The following SORCS2 variants were observed in gnomAD, a reference collection of about 807,000 sequenced individuals.
The protein encoded by SORCS2 is sortilin related VPS10 domain containing receptor 2.
In SORCS2, 100 loss-of-function variants were observed where a neutral mutation model predicts 141.6. That is an observed-to-expected ratio of 0.71 (90% CI 0.60 to 0.83). The LOEUF (loss-of-function observed/expected upper bound fraction) is 0.83, where lower values mean the gene tolerates loss of function less well. Among genes scored for constraint, SORCS2 ranks in the 40% least tolerant of loss-of-function variants. The pLI, the probability that SORCS2 is intolerant of heterozygous loss-of-function variation, is 0.00. For missense variants in SORCS2, 1,646 were observed against 1,560.2 expected, an observed-to-expected ratio of 1.05 and a Z score of -0.93; for synonymous variants, 789 against 676.9, an observed-to-expected ratio of 1.17 and a Z score of -2.57.
intron 1 of SORCS2, among the ~76,000 whole-genome samples, chr4:7,320,881 C>T (rs13109560): frequency 6.3e-4 from 96 of 152,070 alleles, no homozygotes; most frequent in African/African-American, 2.1e-3. Context: ...CCCTTCCTCC[C>T]TTCCCCTCCC....
chr4:7,285,737 C>T (rs903727412), intron 1 of SORCS2, among the ~76,000 whole-genome samples: 4 of 152,212 alleles, frequency 2.6e-5, no homozygotes, highest in Admixed American at 6.5e-5. Flanking sequence ...CAGAAGCTTC[C>T]GGAGCATGCT....
At chr4:7,378,164 T>A (rs926172402) in intron 1 of SORCS2, among the ~76,000 whole-genome samples, 1 of 152,230 alleles carries the variant, frequency 6.6e-6, no homozygotes, top group Non-Finnish European at 1.5e-5. Flanking sequence ...TGACTCTTCA[T>A]GGCCATGAAA....
At chr4:7,417,490 T>C (rs6837396) in intron 2 of SORCS2, among the ~76,000 whole-genome samples, 64,359 of 152,002 alleles carry the variant, frequency 0.42, 13,864 homozygotes, top group Middle Eastern at 0.57. Flanking sequence ...GGGAGAAGCA[T>C]GGGCACCCTA....
chr4:7,494,669 G>A lies in SORCS2; in HGVS notation c.549-36861G>A, dbSNP rs187397173. On this transcript the variant is annotated intron_variant, in intron 2 of 26. Transcript: ENST00000507866. ...AAATTGGGGGTTAGGGCCTCAGCAT[G>A]TGCATTCTGGGAGGCTACAAACATT... Among the ~76,000 whole-genome samples, 17 of 152,350 alleles carry A rather than the reference G, an allele frequency of 1.1e-4. No individual in the cohort carries two copies. The East Asian group carries it at 2.3e-3, about 21-fold the overall frequency.
chr4:7,639,772 C>T (rs1294736774), intron 4 of SORCS2, among the ~76,000 whole-genome samples: 3 of 138,744 alleles, frequency 2.2e-5, no homozygotes, highest in South Asian at 2.4e-4. Context: ...TGGGTGTGAA[C>T]GTGTGTGTGT....
At chr4:7,476,525 A>G (rs2109358134) in intron 2 of SORCS2, among the ~76,000 whole-genome samples, 1 of 152,258 alleles carries the variant, frequency 6.6e-6, no homozygotes, top group African/African-American at 2.4e-5. Context: ...TGATTGGATC[A>G]CTGGGAACCA....
At position 7,740,395 on chromosome 4, in the gene SORCS2, G is replaced by A. The variant is rs1483279743; in HGVS notation, c.*131G>A. ...GAGTCGTCGCCACACCAGGCGACAG[G>A]CACCACCCCCTCTGATAAATCCAAG... is the stretch of plus-strand genomic sequence containing the variant. On this transcript the variant is annotated 3_prime_UTR_variant, in exon 27 of 27. Transcript: ENST00000507866. 2.5e-6 allele frequency: 2 copies of A among 787,444 alleles called. No homozygotes were observed. The highest frequency in any genetic ancestry group is 4.3e-5 in the Admixed American group (2 of 46,444). 48.8% of individuals were successfully genotyped at this position (787,444 alleles called of 1,614,324 possible).
chr4:7,478,920 G>A (rs547719721), intron 2 of SORCS2, among the ~76,000 whole-genome samples: 19 of 152,318 alleles, frequency 1.2e-4, no homozygotes, highest in African/African-American at 3.6e-4. Context: ...CAAAGCCTCC[G>A]TGGCCTGGTT....
intron 1 of SORCS2, among the ~76,000 whole-genome samples, chr4:7,231,526 C>T (rs371206130): frequency 2.1e-4 from 32 of 152,230 alleles, no homozygotes; most frequent in South Asian, 8.3e-4. Flanking sequence ...TCCATCCATC[C>T]ATCCATCCAT....
At chr4:7,469,865 A>C (rs1332127914) in intron 2 of SORCS2, among the ~76,000 whole-genome samples, 1 of 152,218 alleles carries the variant, frequency 6.6e-6, no homozygotes, top group East Asian at 1.9e-4. Flanking sequence ...CAGGCTTCTG[A>C]GATCAGTGGC....
At chr4:7,316,679 A>T (rs1243957681) in intron 1 of SORCS2, among the ~76,000 whole-genome samples, 1 of 152,246 alleles carries the variant, frequency 6.6e-6, no homozygotes, top group Non-Finnish European at 1.5e-5. Context: ...AGGGTGAATT[A>T]TGGAAGAGTG....
intron 2 of SORCS2, among the ~76,000 whole-genome samples, chr4:7,463,033 T>C (rs1229270958): frequency 6.6e-6 from 1 of 151,900 alleles, no homozygotes; most frequent in East Asian, 1.9e-4. Flanking sequence ...GCTCCCAGTG[T>C]GACAACAGCC....
rs56090778 is a variant in SORCS2, at chr4:7,373,006, G to GTTTT, written c.481-23269_481-23266dup. Among the ~76,000 whole-genome samples, 1,222 of 138,150 alleles carry GTTTT rather than the reference G, an allele frequency of 8.8e-3. 15 individuals carry two copies. The highest frequency in any genetic ancestry group is 0.016 in the Middle Eastern group (4 of 258). The allele number at this position is 138,150 out of a possible 152,430, so 90.6% of individuals were successfully genotyped here. ...GCTGCAGGACATCTTGGTGGTTTCT[G>GTTTT]TTTTTTTTTTTTTTTTCCCCTATCA... On this transcript the variant is annotated intron_variant, in intron 1 of 26. Coordinates refer to ENST00000507866, the MANE Select transcript of SORCS2 (RefSeq NM_020777.3).
intron 1 of SORCS2, among the ~76,000 whole-genome samples, chr4:7,224,291 C>T (rs942575440): frequency 2.6e-5 from 4 of 152,234 alleles, no homozygotes; most frequent in Admixed American, 2.0e-4. Context: ...CTAGCTTAAT[C>T]CTCCTCAAGT....
At chr4:7,269,126 C>CCTGTG (rs1158636564) in intron 1 of SORCS2, among the ~76,000 whole-genome samples, 2 of 151,732 alleles carry the variant, frequency 1.3e-5, no homozygotes, top group Non-Finnish European at 2.9e-5. Context: ...TCTGCCAGGC[C>CCTGTG]CTGTGCTGTG....
At chr4:7,604,220 G>A (rs1052280920) in intron 3 of SORCS2, among the ~76,000 whole-genome samples, 2 of 152,206 alleles carry the variant, frequency 1.3e-5, no homozygotes, top group Non-Finnish European at 2.9e-5. Context: ...GAATCCCCAC[G>A]TGTTGAGGGA....
chr4:7,470,524 C>G (rs772891237), intron 2 of SORCS2, among the ~76,000 whole-genome samples: 20 of 152,336 alleles, frequency 1.3e-4, no homozygotes, highest in Middle Eastern at 3.4e-3. Context: ...GTTGGCTCTG[C>G]CTTGTGGCCA....
intron 10 of SORCS2, 144 bp downstream of exon 10, chr4:7,683,033 G>A (rs1007993310): frequency 2.7e-6 from 3 of 1,103,606 alleles, no homozygotes; most frequent in Non-Finnish European, 3.8e-6. Flanking sequence ...GTGTGGTAGA[G>A]AGGGTCAAAT....
chr4:7,270,996 T>C (rs1038198743), intron 1 of SORCS2, among the ~76,000 whole-genome samples: 1 of 152,198 alleles, frequency 6.6e-6, no homozygotes, highest in African/African-American at 2.4e-5. Context: ...TGGGCAGGCA[T>C]ATGAAAGAGT....
Sources: gnomAD v4.1 joint callset for allele counts (sites outside exome capture counted in the v4.1 genomes callset) on GRCh38, gnomAD v4.1.1 for gene constraint, MANE v1.5 for transcripts, NCBI Gene and HGNC (gene_info 2026-07-23, HGNC 2026-07-21) for gene names.